Variants in SCNN1A observed in about 807,000 individuals in gnomAD.
SCNN1A encodes the protein epithelial sodium channel subunit alpha.
Under a neutral mutation model 68.6 loss-of-function variants are expected in SCNN1A, and 65 were observed. That is an observed-to-expected ratio of 0.95 (90% CI 0.78 to 1.16). The LOEUF (loss-of-function observed/expected upper bound fraction) is 1.16. Among genes scored for constraint, SCNN1A ranks in the 50% most tolerant of loss-of-function variants. The pLI is 0.00. For synonymous variants in SCNN1A, 357 were observed against 353.3 expected (o/e 1.01, Z -0.12); for missense variants, 880 against 865.9 (o/e 1.02, Z -0.20).
intron 2 of SCNN1A, among the ~76,000 whole-genome samples, chr12:6,364,955 T>C (rs1948650471): frequency 6.7e-6 from 1 of 149,598 alleles, no homozygotes; most frequent in Admixed American, 6.6e-5. Flanking sequence ...CCTGCTGAAA[T>C]AAATCAAAGA....
Position 6,347,566 on chromosome 12 carries a change from C to T in SCNN1A, c.*307G>A. The T allele has an allele frequency of 2.3e-6, 1 of 443,336 alleles. No homozygotes were observed. The highest frequency in any genetic ancestry group is 3.0e-5 in the South Asian group (1 of 33,054). 27.5% of individuals were successfully genotyped at this position (443,336 alleles called of 1,614,324 possible). A position where few individuals can be genotyped will look rare whatever the true frequency, so the allele number is the denominator to read the frequency against. On this transcript the variant is annotated 3_prime_UTR_variant, in exon 13 of 13. Transcript: ENST00000228916. Reference sequence around the variant, plus strand: ...TTCTTAGGAAAGTTCCTTGTCAAAGCTCCAAGTTTCGCTTGGCTGATCCAA... The same window carrying T: ...TTCTTAGGAAAGTTCCTTGTCAAAGTTCCAAGTTTCGCTTGGCTGATCCAA...
chr12:6,363,763 G>A (rs932327521), intron 2 of SCNN1A, 53 bp from the exon 3 acceptor site: 1 of 1,503,228 alleles, frequency 6.7e-7, no homozygotes, highest in African/African-American at 1.4e-5. Flanking sequence ...GCGAGTGTCT[G>A]GCCCCTCCGG....
At chr12:6,366,757 G>A (rs1360148909) in intron 2 of SCNN1A, among the ~76,000 whole-genome samples, 7 of 150,540 alleles carry the variant, frequency 4.6e-5, no homozygotes, top group African/African-American at 1.2e-4. Flanking sequence ...CCAAGATCTC[G>A]CCATTGCACT....
In SCNN1A at chr12:6,346,984, C is replaced by G. The variant is rs917435905; in HGVS notation, c.*889G>C. 6.6e-6 allele frequency: 1 copy of G among 152,600 alleles called. No homozygotes were observed. Among genetic ancestry groups the G allele is most frequent in the Non-Finnish European group, 1.5e-5 (1 of 68,058 alleles). 9.5% of individuals were successfully genotyped at this position (152,600 alleles called of 1,614,324 possible). A position where few individuals can be genotyped will look rare whatever the true frequency, so the allele number is the denominator to read the frequency against. On this transcript the variant is annotated 3_prime_UTR_variant, in exon 13 of 13. Transcript: ENST00000228916. ...TACAGTCTAGTTGGGAAGGGAGACA[C>G]AAATGTACAAGAAAGTATGGTGCAA...
chr12:6,363,509 C>T lies in SCNN1A; in HGVS notation c.618G>A (p.Val206=), dbSNP rs770760088. ...PPHGARRARS[V]ASSLRDNNPQ... ...GGTTGTTGTCCCGCAAGCTGGAGGC[C>T]ACGCTACGGGCTCGACGGGCCCCGT... The change falls in exon 3 of 13, where the codon GTG becomes GTA. Residue 206 remains valine, a synonymous_variant. Transcript: ENST00000228916. 1.2e-6 allele frequency: 2 copies of T among 1,608,772 alleles called. No individual in the cohort carries two copies. The highest frequency in any genetic ancestry group is 1.7e-6 in the Non-Finnish European group (2 of 1,177,590).
Position 6,355,766 on chromosome 12 carries a change from G to C in SCNN1A, c.979+11C>G. Reference sequence around the variant, plus strand: ...CAGAGGGCGCCATGGAGCAAGCAGGGAGCTTCTCACCGTTGTTGATTCCAG... The same window carrying C: ...CAGAGGGCGCCATGGAGCAAGCAGGCAGCTTCTCACCGTTGTTGATTCCAG... On this transcript the variant is annotated intron_variant, in intron 5 of 12. Transcript: ENST00000228916. The C allele has an allele frequency of 6.3e-7, 1 of 1,574,954 alleles. No individual in the cohort carries two copies. Among genetic ancestry groups the C allele is most frequent in the Non-Finnish European group, 8.7e-7 (1 of 1,144,350 alleles).
chr12:6,357,190 T>C (rs1389100918), intron 4 of SCNN1A, among the ~76,000 whole-genome samples: 3 of 151,848 alleles, frequency 2.0e-5, no homozygotes, highest in Admixed American at 2.0e-4. Context: ...AGGGGACAAG[T>C]ATAATGGTGG....
intron 2 of SCNN1A, 45 bp from the exon 3 acceptor site, chr12:6,363,755 G>A (rs1948624841): frequency 7.2e-6 from 11 of 1,532,876 alleles, no homozygotes; most frequent in Non-Finnish European, 9.7e-6. Flanking sequence ...GCCCTGGAGC[G>A]AGTGTCTGGC....
rs1256278723 is a variant in SCNN1A at position 6,372,730 on chromosome 12, AAG to A, written c.416+1636_416+1637del. 4.7e-3 allele frequency among the ~76,000 whole-genome samples: 708 copies of A among 152,224 alleles called. 6 individuals carry two copies. Among genetic ancestry groups the A allele is most frequent in the African/African-American group, 0.016 (651 of 41,530 alleles). ...GGTCCCTCCCCTCCACCAAGGCCTA[AAG>A]GGGTGAAGATGTCTGCAGGCAGCAG... On this transcript the variant is annotated intron_variant, in intron 2 of 12. Coordinates refer to ENST00000228916, the MANE Select transcript of SCNN1A (RefSeq NM_001038.6). The surrounding 1 kb of genome is among the most constrained non-coding windows in gnomAD (Gnocchi z 5.8).
Position 6,374,846 on chromosome 12 carries a change from G to T in SCNN1A, c.-54-9C>A, listed in dbSNP as rs773021101. The T allele has an allele frequency of 3.7e-6, 6 of 1,614,126 alleles. No individual in the cohort carries two copies. The highest frequency in any genetic ancestry group is 3.3e-5 in the Admixed American group (2 of 60,030). On this transcript the variant is annotated splice_polypyrimidine_tract_variant and intron_variant, in intron 1 of 12. Transcript: ENST00000228916. This position sits in a 1 kb window ranked among gnomAD's most constrained non-coding sequence, Gnocchi z 6.2. ...TCCTCCAGCTTGTTCCCCTTCATGA[G>T]CCCCGGAGTGGATTGGGGAGAGCAA...
At position 6,348,078 on chromosome 12, in the gene SCNN1A, G is replaced by A. The variant is rs751903373; in HGVS notation, c.1805C>T (p.Ala602Val). The A allele has an allele frequency of 4.8e-5, 78 of 1,613,906 alleles. No individual in the cohort carries two copies. The highest frequency in any genetic ancestry group is 6.0e-5 in the Non-Finnish European group (71 of 1,179,972). Residue 602 changes from alanine to valine, a missense_variant, in exon 13 of 13, where the codon GCT becomes GTT. Ala to Val is a moderately conservative substitution (Grantham distance 64, BLOSUM62 0). Around this residue, in one of 3 missense-constraint regions of SCNN1A, gnomAD observed 758 missense variants for 721.8 expected, o/e 1.05. Coordinates refer to ENST00000228916, the MANE Select transcript of SCNN1A (RefSeq NM_001038.6). ...YWSPGRGGRG[A>V]QEVASTLASS... is the part of the protein sequence containing the mutation. ...TGCCAGGGTGGAGGCTACCTCCTGA[G>A]CACCCCTGCCCCCTCGGCCTGGAGA...
Position 6,374,651 on chromosome 12 carries a change from C to G in SCNN1A, c.133G>C (p.Glu45Gln), listed in dbSNP as rs200068111. 23 of 1,613,592 alleles carry G rather than the reference C, an allele frequency of 1.4e-5. No individual in the cohort carries two copies. The Admixed American group carries it at 1.7e-4, about 12-fold the overall frequency. Residue 45 changes from glutamate to glutamine, a missense_variant, in exon 2 of 13, where the codon GAG becomes CAG. Glu to Gln is a conservative substitution (Grantham distance 29). Coordinates refer to ENST00000228916, the MANE Select transcript of SCNN1A (RefSeq NM_001038.6). This position sits in a 1 kb window ranked among gnomAD's most constrained non-coding sequence, Gnocchi z 6.2. ...PAAPQQPTAE[E>Q]EALIEFHRSY... is the part of the protein sequence containing the mutation. ...CGGTGGAACTCGATCAGGGCCTCCT[C>G]CTCCGCCGTGGGCTGCTGGGGCGCC... is the stretch of plus-strand genomic sequence containing the variant.
intron 3 of SCNN1A, 97 bp downstream of exon 3, chr12:6,363,346 C>G: frequency 8.9e-7 from 1 of 1,119,260 alleles, no homozygotes; most frequent in South Asian, 1.9e-5. Flanking sequence ...TGTCACTGGG[C>G]TGCGCGGGCG....
Position 6,363,587 on chromosome 12 carries a change from C to T in SCNN1A, c.540G>A (p.Leu180=). 6.2e-7 allele frequency: 1 copy of T among 1,611,976 alleles called. No individual in the cohort carries two copies. Among genetic ancestry groups the T allele is most frequent in the Non-Finnish European group, 8.5e-7 (1 of 1,179,070 alleles). ...GCAAGGGGTGCGGCAGAGTCCCCCG[C>T]AGGTCGCGACGGCTGCGGGAGCCGG... ...LVAGSRSRRD[L]RGTLPHPLQR... is the part of the protein sequence containing the mutation. Residue 180 remains leucine, a synonymous_variant, in exon 3 of 13, where the codon CTG becomes CTA. Transcript: ENST00000228916.
chr12:6,358,599 CT>C (rs1313654128), intron 4 of SCNN1A, among the ~76,000 whole-genome samples: 2 of 110,626 alleles, frequency 1.8e-5, no homozygotes, highest in African/African-American at 1.6e-4. Flanking sequence ...TGGCTTACAC[CT>C]ATAATCCCAG....
chr12:6,374,298 G>T lies in SCNN1A; in HGVS notation c.416+70C>A. The T allele has an allele frequency of 1.3e-6, 2 of 1,530,888 alleles. No individual in the cohort carries two copies. Among genetic ancestry groups the T allele is most frequent in the South Asian group, 2.4e-5 (2 of 84,172 alleles). The allele number at this position is 1,530,888 out of a possible 1,614,324, so 94.8% of individuals were successfully genotyped here. A position where few individuals can be genotyped will look rare whatever the true frequency, so the allele number is the denominator to read the frequency against. ...AGGTCTGAGGCTCTGCCTGCCCAGTGAGCACCTCAGCACCCTGGACCACCC... is the reference window on the plus strand; with the variant it reads ...AGGTCTGAGGCTCTGCCTGCCCAGTTAGCACCTCAGCACCCTGGACCACCC... On this transcript the variant is annotated intron_variant, in intron 2 of 12. Transcript: ENST00000228916. This position sits in a 1 kb window ranked among gnomAD's most constrained non-coding sequence, Gnocchi z 6.2.
chr12:6,374,594 T>G lies in SCNN1A; in HGVS notation c.190A>C (p.Asn64His), dbSNP rs1303035277. ...SYRELFEFFC[N>H]NTTIHGAIRL... ...ATGGCGCCGTGGATGGTGGTGTTGT[T>G]GCAGAAGAACTCGAAGAGCTCTCGG... Residue 64 changes from asparagine to histidine, a missense_variant, in exon 2 of 13, where the codon AAC (asparagine) becomes CAC (histidine). Asn to His is a moderately conservative substitution (Grantham distance 68). Transcript: ENST00000228916. This position sits in a 1 kb window ranked among gnomAD's most constrained non-coding sequence, Gnocchi z 6.2. The G allele has an allele frequency of 6.2e-7, 1 of 1,613,886 alleles. No homozygotes were observed. The highest frequency in any genetic ancestry group is 2.2e-5 in the East Asian group (1 of 44,868).
rs72645131 is a variant in SCNN1A at position 6,375,294 on chromosome 12, C to T, written c.-55+211G>A. 1.5e-3 allele frequency: 2,209 copies of T among 1,435,016 alleles called. 8 individuals carry two copies. The highest frequency in any genetic ancestry group is 0.012 in the Middle Eastern group (47 of 3,904). 88.9% of individuals were successfully genotyped at this position (1,435,016 alleles called of 1,614,324 possible). A position where few individuals can be genotyped will look rare whatever the true frequency, so the allele number is the denominator to read the frequency against. ...TCTCTAATCCTGCCTCTCTTCCTCT[C>T]CCCCCCTTGCCTTGCCCCCTCTCAC... On this transcript the variant is annotated intron_variant, in intron 1 of 12. Transcript: ENST00000228916.
intron 2 of SCNN1A, among the ~76,000 whole-genome samples, chr12:6,364,920 CA>C (rs1216273637): frequency 2.0e-5 from 3 of 151,326 alleles, no homozygotes; most frequent in African/African-American, 7.3e-5. Context: ...AAAAGATGTG[CA>C]AGACTGAAAA....
Sources: gnomAD v4.1 joint callset for allele counts (sites outside exome capture counted in the v4.1 genomes callset) on GRCh38, gnomAD v4.1.1 for gene constraint, gnomAD v4.1.1 regional missense constraint, Gnocchi (gnomAD v3.1) non-coding constraint, MANE v1.5 for transcripts, NCBI Gene and HGNC (gene_info 2026-07-23, HGNC 2026-07-21) for gene names.